The following BICD1 variants were observed in gnomAD, a reference collection of about 807,000 sequenced individuals.
BICD1 encodes BICD cargo adaptor 1, also known as protein bicaudal D homolog 1.
A neutral mutation model predicts 92.5 loss-of-function variants in BICD1; 35 were observed. That is an observed-to-expected ratio of 0.38 (90% CI 0.29 to 0.50). The LOEUF (loss-of-function observed/expected upper bound fraction) is 0.50. Ranked by LOEUF, BICD1 falls within the 20% of genes least tolerant of loss-of-function variation. The pLI is 0.93. For synonymous variants in BICD1, 429 were observed against 465.1 expected (o/e 0.92, Z 1.00); for missense variants, 950 against 1,189.8 (o/e 0.80, Z 2.97).
At chr12:32,291,160 A>C (rs1947716353) in intron 2 of BICD1, among the ~76,000 whole-genome samples, 1 of 152,214 alleles carries the variant, frequency 6.6e-6, no homozygotes, top group African/African-American at 2.4e-5. Flanking sequence ...TCAAGTCAGA[A>C]GAAAAAACAT....
chr12:32,324,964 T>A (rs749926655), intron 4 of BICD1, among the ~76,000 whole-genome samples: 4 of 152,112 alleles, frequency 2.6e-5, no homozygotes, highest in Non-Finnish European at 5.9e-5. Flanking sequence ...CAAACAGCAT[T>A]AGTGTCAACA....
chr12:32,225,911 C>T (rs1024037074), intron 2 of BICD1, among the ~76,000 whole-genome samples: 8 of 152,124 alleles, frequency 5.3e-5, no homozygotes, highest in Admixed American at 1.3e-4. Flanking sequence ...CGTGAGCCAC[C>T]ACGCCTGGCC....
At chr12:32,338,470 T>TA (rs1938222741) in intron 7 of BICD1, 1 of 233,436 alleles carries the variant, frequency 4.3e-6, no homozygotes, top group South Asian at 8.5e-5. Flanking sequence ...GCTGTTGAGT[T>TA]ACTTACCCTG....
chr12:32,120,124 TTC>T (rs1248123186), intron 1 of BICD1, among the ~76,000 whole-genome samples: 1 of 152,248 alleles, frequency 6.6e-6, no homozygotes, highest in African/African-American at 2.4e-5. Context: ...ATTTATTTTA[TTC>T]TGTTTGCAGT....
At chr12:32,319,289 T>G (rs1228875227) in intron 4 of BICD1, among the ~76,000 whole-genome samples, 2 of 152,216 alleles carry the variant, frequency 1.3e-5, no homozygotes, top group African/African-American at 4.8e-5. Flanking sequence ...TGACTTTTTT[T>G]TATTATCACA....
intron 1 of BICD1, among the ~76,000 whole-genome samples, chr12:32,173,992 A>G (rs1393174130): frequency 6.6e-6 from 1 of 152,222 alleles, no homozygotes; most frequent in African/African-American, 2.4e-5. Context: ...GCTTTTACAT[A>G]ATGATCTTGA....
chr12:32,221,650 C>T (rs972773050), intron 2 of BICD1, among the ~76,000 whole-genome samples: 1 of 151,742 alleles, frequency 6.6e-6, no homozygotes, highest in African/African-American at 2.4e-5. Flanking sequence ...CACTGTACTC[C>T]AGCCTGGCGA....
chr12:32,379,213 T>A lies in BICD1; in HGVS notation c.*1586T>A, dbSNP rs1203868234. ...AAGGAGATCCAGGAGCCACTCAGCT[T>A]ATTGAGCGGACATGGGTGGCACAGA... On this transcript the variant is annotated 3_prime_UTR_variant, in exon 10 of 10. Transcript: ENST00000652176. 6.6e-6 allele frequency: 1 copy of A among 152,214 alleles called. No individual in the cohort carries two copies. Among genetic ancestry groups the A allele is most frequent in the Non-Finnish European group, 1.5e-5 (1 of 68,060 alleles). 9.4% of individuals were successfully genotyped at this position (152,214 alleles called of 1,614,324 possible).
At chr12:32,336,205 T>C (rs1350538820) in intron 6 of BICD1, among the ~76,000 whole-genome samples, 4 of 152,240 alleles carry the variant, frequency 2.6e-5, no homozygotes, top group Non-Finnish European at 5.9e-5. Flanking sequence ...TTGTTATTCA[T>C]ATTTTAGCGG....
intron 3 of BICD1, among the ~76,000 whole-genome samples, chr12:32,301,386 G>A (rs371690376): frequency 2.6e-5 from 4 of 152,216 alleles, no homozygotes; most frequent in Admixed American, 6.5e-5. Flanking sequence ...TTGTTTGCTC[G>A]GTGGAAAAGG....
intron 1 of BICD1, among the ~76,000 whole-genome samples, chr12:32,211,342 G>T (rs1229577863): frequency 6.6e-6 from 1 of 152,106 alleles, no homozygotes; most frequent in Non-Finnish European, 1.5e-5. Flanking sequence ...TTCAGTTAAG[G>T]TTTCTGAAAC....
At chr12:32,329,207 C>T (rs933950460) in intron 5 of BICD1, among the ~76,000 whole-genome samples, 6 of 152,078 alleles carry the variant, frequency 3.9e-5, no homozygotes, top group Non-Finnish European at 5.9e-5. Flanking sequence ...TGGGTTCAAG[C>T]GATTCTCATG....
intron 1 of BICD1, chr12:32,107,812 T>C: frequency 2.9e-6 from 2 of 696,134 alleles, no homozygotes; most frequent in Admixed American, 4.0e-5. Context: ...TCATCAAGTC[T>C]CAGCACTCTA....
chr12:32,365,364 T>C (rs1366513458), intron 8 of BICD1, among the ~76,000 whole-genome samples: 1 of 152,106 alleles, frequency 6.6e-6, no homozygotes, highest in East Asian at 1.9e-4. Flanking sequence ...ATTAAGGGAG[T>C]ACACTGTGGT....
intron 7 of BICD1, 95 bp from the exon 8 acceptor site, chr12:32,338,691 A>C (rs1938231612): frequency 2.0e-6 from 2 of 1,007,228 alleles, no homozygotes; most frequent in Admixed American, 2.8e-5. Context: ...ATTAAATGCC[A>C]GTATAAATAA....
intron 1 of BICD1, among the ~76,000 whole-genome samples, chr12:32,118,771 T>C (rs1942041624): frequency 6.6e-6 from 1 of 152,332 alleles, no homozygotes; most frequent in East Asian, 1.9e-4. Flanking sequence ...TCTACCACTC[T>C]GATGTTTTCT....
At chr12:32,129,136 T>C (rs1190139925) in intron 1 of BICD1, among the ~76,000 whole-genome samples, 3 of 151,972 alleles carry the variant, frequency 2.0e-5, no homozygotes, top group Admixed American at 6.5e-5. Context: ...GGTTTCACCA[T>C]GTTGTCCAGG....
chr12:32,199,317 C>A (rs1944833010), intron 1 of BICD1, among the ~76,000 whole-genome samples: 1 of 152,126 alleles, frequency 6.6e-6, no homozygotes, highest in Non-Finnish European at 1.5e-5. Context: ...ATGGCAACTC[C>A]ATGGTCACAG....
chr12:32,342,353 C>T (rs1309346974), intron 8 of BICD1, among the ~76,000 whole-genome samples: 2 of 150,410 alleles, frequency 1.3e-5, no homozygotes, highest in Non-Finnish European at 3.0e-5. Context: ...CTCCCAGGTT[C>T]ATGTCATTCT....
Sources: gnomAD v4.1 joint callset for allele counts (sites outside exome capture counted in the v4.1 genomes callset) on GRCh38, gnomAD v4.1.1 for gene constraint, MANE v1.5 for transcripts, NCBI Gene and HGNC (gene_info 2026-07-23, HGNC 2026-07-21) for gene names.